Variants in KAT6B observed in about 807,000 individuals in gnomAD.
KAT6B encodes histone acetyltransferase KAT6B.
KAT6B carries 10 observed loss-of-function variants against 187.5 expected under a neutral mutation model. That is an observed-to-expected ratio of 0.05 (90% CI 0.03 to 0.09). The LOEUF is 0.09. Among genes scored for constraint, KAT6B ranks in the 10% least tolerant of loss-of-function variants. The pLI is 1.00. For synonymous variants in KAT6B, 861 were observed against 926.8 expected (o/e 0.93, Z 1.29); for missense variants, 1,952 against 2,558.9 (o/e 0.76, Z 5.12).
chr10:74,966,709 G>A (rs538948137), intron 4 of KAT6B, among the ~76,000 whole-genome samples: 8 of 152,266 alleles, frequency 5.3e-5, no homozygotes, highest in South Asian at 2.1e-4. Flanking sequence ...ACCATGAAAC[G>A]TGTCAACAGA....
chr10:74,907,775 C>G (rs1029474346), intron 3 of KAT6B, among the ~76,000 whole-genome samples: 5 of 152,244 alleles, frequency 3.3e-5, no homozygotes, highest in African/African-American at 1.2e-4. Context: ...GGTGATGCAT[C>G]TGTCTTGGCC....
intron 3 of KAT6B, among the ~76,000 whole-genome samples, chr10:74,887,840 C>CA (rs111705400): frequency 1.5e-3 from 205 of 141,292 alleles, no homozygotes; most frequent in South Asian, 0.012. Flanking sequence ...GACCCCACCT[C>CA]AAAAAAAAAA....
At chr10:74,985,669 G>A (rs1842760339) in intron 12 of KAT6B, among the ~76,000 whole-genome samples, 1 of 152,212 alleles carries the variant, frequency 6.6e-6, no homozygotes, top group African/African-American at 2.4e-5. Flanking sequence ...GGACAGTCAA[G>A]CTGATAAAAT....
intron 3 of KAT6B, among the ~76,000 whole-genome samples, chr10:74,861,028 T>C (rs1053836574): frequency 3.3e-5 from 5 of 151,994 alleles, no homozygotes; most frequent in Admixed American, 6.6e-5. Context: ...TCCCAGCTAC[T>C]CGGGAGGCTG....
intron 1 of KAT6B, among the ~76,000 whole-genome samples, chr10:74,837,341 A>G (rs1391268986): frequency 2.0e-5 from 3 of 152,252 alleles, no homozygotes; most frequent in Admixed American, 2.0e-4. Flanking sequence ...AGAAAATAGA[A>G]TAATTTAATT....
chr10:74,952,846 A>ATT (rs34687036), intron 3 of KAT6B, among the ~76,000 whole-genome samples: 68 of 90,526 alleles, frequency 7.5e-4, no homozygotes, highest in Non-Finnish European at 1.1e-3. Flanking sequence ...TGCCTGGCTA[A>ATT]TTTTTTTTTT....
intron 3 of KAT6B, among the ~76,000 whole-genome samples, chr10:74,952,190 A>G (rs1840362427): frequency 6.6e-6 from 1 of 152,070 alleles, no homozygotes; most frequent in South Asian, 2.1e-4. Flanking sequence ...CCCCATCTCT[A>G]TGAAAAGTTA....
chr10:75,030,538 T>G lies in KAT6B; in HGVS notation c.5714T>G (p.Ile1905Ser). ...LLQRNMAASN[I>S]GISHSQRLQT... ...CAACGGAACATGGCTGCATCAAATA[T>G]TGGCATCTCTCACAGCCAAAGACTG... The change falls in exon 18 of 18, where the codon ATT (isoleucine) becomes AGT (serine). Residue 1905 changes from isoleucine (I) to serine (S), a missense_variant. Around this residue, in one of 9 missense-constraint regions of KAT6B, gnomAD observed 358 missense variants for 436.3 expected, o/e 0.82. Coordinates refer to ENST00000287239, the MANE Select transcript of KAT6B (RefSeq NM_012330.4). This position sits in a 1 kb window ranked among gnomAD's most constrained non-coding sequence, Gnocchi z 4.8. 6.2e-7 allele frequency: 1 copy of G among 1,607,766 alleles called. No homozygotes were observed. Among genetic ancestry groups the G allele is most frequent in the Non-Finnish European group, 8.5e-7 (1 of 1,175,114 alleles).
chr10:74,861,376 A>G (rs1843176515), intron 3 of KAT6B, among the ~76,000 whole-genome samples: 1 of 152,244 alleles, frequency 6.6e-6, no homozygotes, highest in Non-Finnish European at 1.5e-5. Context: ...AGTGATCATC[A>G]CTTTTAGAGC....
chr10:74,869,790 A>G (rs1218964169), intron 3 of KAT6B, among the ~76,000 whole-genome samples: 1 of 152,186 alleles, frequency 6.6e-6, no homozygotes, highest in Admixed American at 6.5e-5. Context: ...CAGGGACCTT[A>G]TTTCTGCTGT....
intron 3 of KAT6B, among the ~76,000 whole-genome samples, chr10:74,921,313 C>T (rs1170391080): frequency 2.0e-5 from 3 of 152,090 alleles, no homozygotes; most frequent in African/African-American, 7.2e-5. Context: ...AAGATTTTAT[C>T]ATGTTGGCCA....
At chr10:74,905,754 C>T (rs1235478812) in intron 3 of KAT6B, among the ~76,000 whole-genome samples, 2 of 152,098 alleles carry the variant, frequency 1.3e-5, no homozygotes, top group Non-Finnish European at 2.9e-5. Flanking sequence ...CTGGAATTGC[C>T]GGTGTAGGGT....
intron 3 of KAT6B, among the ~76,000 whole-genome samples, chr10:74,887,161 GTT>G (rs1278744549): frequency 6.6e-6 from 1 of 152,054 alleles, no homozygotes; most frequent in Non-Finnish European, 1.5e-5. Flanking sequence ...CCTGGGGTTG[GTT>G]TCTACCAGGT....
intron 3 of KAT6B, among the ~76,000 whole-genome samples, chr10:74,955,512 A>G (rs944285268): frequency 1.3e-5 from 2 of 151,190 alleles, no homozygotes; most frequent in East Asian, 2.0e-4. Flanking sequence ...AGACTCCCCA[A>G]CTGTTAACAT....
chr10:74,878,394 A>G (rs867508008), intron 3 of KAT6B, among the ~76,000 whole-genome samples: 3 of 152,108 alleles, frequency 2.0e-5, no homozygotes, highest in Non-Finnish European at 4.4e-5. Flanking sequence ...GGGTGAACAA[A>G]TGACCCCTAA....
chr10:74,972,654 T>C lies in KAT6B; in HGVS notation c.1061+15T>C. Reference sequence around the variant, plus strand: ...CAACGATTGTTGTAGGTTGAGATCTTATCAAAAGAAATCATTTATGTTTTG... The same window carrying C: ...CAACGATTGTTGTAGGTTGAGATCTCATCAAAAGAAATCATTTATGTTTTG... On this transcript the variant is annotated intron_variant, in intron 7 of 17. Coordinates refer to ENST00000287239, the MANE Select transcript of KAT6B (RefSeq NM_012330.4). 5.0e-6 allele frequency: 8 copies of C among 1,608,582 alleles called. No homozygotes were observed. The highest frequency in any genetic ancestry group is 6.8e-6 in the Non-Finnish European group (8 of 1,175,440).
intron 3 of KAT6B, among the ~76,000 whole-genome samples, chr10:74,939,713 A>T (rs1406156981): frequency 6.6e-6 from 1 of 152,168 alleles, no homozygotes; most frequent in Non-Finnish European, 1.5e-5. Flanking sequence ...TCTATTTTTT[A>T]AAGTTGATTT....
chr10:74,908,963 G>A (rs1589598995), intron 3 of KAT6B, among the ~76,000 whole-genome samples: 2 of 152,156 alleles, frequency 1.3e-5, no homozygotes, highest in Admixed American at 1.3e-4. Flanking sequence ...CTGAACCAAG[G>A]TTTCTTAATT....
chr10:74,860,035 A>G (rs190472985), intron 3 of KAT6B, among the ~76,000 whole-genome samples: 2 of 152,150 alleles, frequency 1.3e-5, no homozygotes, highest in African/African-American at 2.4e-5. Flanking sequence ...ACACTTTTTC[A>G]GTTGTTTTTT....
Sources: allele counts gnomAD v4.1 joint callset (sites outside exome capture counted in the v4.1 genomes callset), GRCh38; gene constraint gnomAD v4.1.1; regional missense constraint gnomAD v4.1.1; non-coding constraint Gnocchi (gnomAD v3.1); transcripts MANE v1.5; gene names NCBI Gene and HGNC (gene_info 2026-07-23, HGNC 2026-07-21).